HERC2: variants seen among roughly 807,000 people sequenced by gnomAD.
HERC2 encodes the protein HECT and RLD domain containing E3 ubiquitin protein ligase 2, also known as E3 ubiquitin-protein ligase HERC2.
HERC2 carries 102 observed loss-of-function variants against 537.7 expected under a neutral mutation model. The observed-to-expected ratio is 0.19, with a 90% CI of 0.16 to 0.22. HERC2 has a LOEUF of 0.22. HERC2 is among the 10% of genes least tolerant of loss of function. The pLI is 1.00. For missense variants in HERC2, 4,236 were observed against 6,198.2 expected (o/e 0.68, Z 10.63); for synonymous variants, 2,224 against 2,466.2 (o/e 0.90, Z 2.91).
In HERC2 at chr15:28,294,851, G is replaced by A. The variant is rs535205664; in HGVS notation, c.188-1829C>T. 1.1e-3 allele frequency among the ~76,000 whole-genome samples: 170 copies of A among 151,746 alleles called. 3 individuals carry two copies. The highest frequency in any genetic ancestry group is 1.2e-3 in the South Asian group (6 of 4,824). The stretch of plus-strand genomic sequence containing the variant: ...CATCTGTCCAGTGTCAGTGTCCTAC[G>A]TTCAGCCATCCCATATCCCTAGGGC... On this transcript the variant is annotated intron_variant, in intron 3 of 92. Coordinates refer to ENST00000261609, the MANE Select transcript of HERC2 (RefSeq NM_004667.6).
At chr15:28,276,724 G>T (rs1302720671) in intron 5 of HERC2, among the ~76,000 whole-genome samples, 1 of 150,546 alleles carries the variant, frequency 6.6e-6, no homozygotes, top group Non-Finnish European at 1.5e-5. Flanking sequence ...GCGACAAAGC[G>T]AGACTCTGTC....
intron 65 of HERC2, among the ~76,000 whole-genome samples, chr15:28,171,690 C>G (rs1894711049): frequency 6.6e-6 from 1 of 151,950 alleles, no homozygotes; most frequent in Non-Finnish European, 1.5e-5. Flanking sequence ...AAAGAGCAAT[C>G]TGAATATTCC....
At chr15:28,278,049 G>C (rs1418601135) in intron 5 of HERC2, among the ~76,000 whole-genome samples, 1 of 151,410 alleles carries the variant, frequency 6.6e-6, no homozygotes, top group East Asian at 1.9e-4. Context: ...TGAGCCCAGG[G>C]GTTCAAGACC....
In HERC2 at chr15:28,214,815, A is replaced by G; in HGVS notation, c.6211-13T>C. ...GCACAGCTAAGATCTGATAAAAGAA[A>G]ATTTATAACGACAAGCATTAAAAAA... On this transcript the variant is annotated splice_polypyrimidine_tract_variant and intron_variant, in intron 39 of 92. Coordinates refer to ENST00000261609, the MANE Select transcript of HERC2 (RefSeq NM_004667.6). 1 of 1,599,802 alleles carries G rather than the reference A, an allele frequency of 6.3e-7. No homozygotes were observed. Among genetic ancestry groups the G allele is most frequent in the East Asian group, 2.2e-5 (1 of 44,798 alleles).
chr15:28,240,182 G>A (rs1332452656), intron 23 of HERC2, among the ~76,000 whole-genome samples: 6 of 152,218 alleles, frequency 3.9e-5, no homozygotes, highest in Non-Finnish European at 8.8e-5. Context: ...ACTTTGGGAG[G>A]CCAAGGTGGG....
In HERC2 at chr15:28,322,141, C is replaced by G. The variant is rs1208427119; in HGVS notation, c.-98G>C. 1.7e-4 allele frequency: 11 copies of G among 65,880 alleles called. No homozygotes were observed. The highest frequency in any genetic ancestry group is 6.9e-4 in the African/African-American group (10 of 14,480). The allele number at this position is 65,880 out of a possible 1,614,324, so 4.1% of individuals were successfully genotyped here. A position where few individuals can be genotyped will look rare whatever the true frequency, so the allele number is the denominator to read the frequency against. On this transcript the variant is annotated 5_prime_UTR_variant, in exon 1 of 93. Coordinates refer to ENST00000261609, the MANE Select transcript of HERC2 (RefSeq NM_004667.6). ...GACGCAGCCTCCCAAGAGCCGCTGG[C>G]TCAGCCGGCGCCCGCGATCCCGGCG...
intron 23 of HERC2, among the ~76,000 whole-genome samples, chr15:28,240,216 A>C (rs1199112191): frequency 1.3e-5 from 2 of 152,240 alleles, no homozygotes; most frequent in Admixed American, 1.3e-4. Context: ...CAGGAGATGG[A>C]GACCATCCTG....
chr15:28,230,092 C>T (rs934440637), intron 31 of HERC2, among the ~76,000 whole-genome samples: 4 of 152,152 alleles, frequency 2.6e-5, no homozygotes, highest in Admixed American at 2.0e-4. Flanking sequence ...TTAATAGCCA[C>T]AGGGCCCAGC....
In HERC2 at chr15:28,176,625, C is replaced by G; in HGVS notation, c.9515-26G>C. 6.2e-7 allele frequency: 1 copy of G among 1,614,070 alleles called. No homozygotes were observed. The highest frequency in any genetic ancestry group is 8.5e-7 in the Non-Finnish European group (1 of 1,179,958). ...CTAGGTTTAAGAAACACATATACTTCAGGCCAGCGTTTCATATCATTCCTA... is the reference window on the plus strand; with the variant it reads ...CTAGGTTTAAGAAACACATATACTTGAGGCCAGCGTTTCATATCATTCCTA... On this transcript the variant is annotated intron_variant, in intron 62 of 92. Coordinates refer to ENST00000261609, the MANE Select transcript of HERC2 (RefSeq NM_004667.6). This position sits in a 1 kb window ranked among gnomAD's most constrained non-coding sequence, Gnocchi z 5.0.
intron 26 of HERC2, among the ~76,000 whole-genome samples, chr15:28,235,731 AC>A (rs1902366207): frequency 6.6e-6 from 1 of 152,138 alleles, no homozygotes; most frequent in South Asian, 2.1e-4. Context: ...TTGTAACATG[AC>A]CTGCTTAGAA....
At chr15:28,293,156 C>T (rs1192887556) in intron 3 of HERC2, 134 bp from the exon 4 acceptor site, 14 of 744,164 alleles carry the variant, frequency 1.9e-5, no homozygotes, top group Admixed American at 2.7e-5. Flanking sequence ...AAATAAAATA[C>T]ATCAATCATA....
intron 48 of HERC2, among the ~76,000 whole-genome samples, chr15:28,199,406 A>G (rs908821940): frequency 2.6e-5 from 4 of 152,224 alleles, no homozygotes; most frequent in African/African-American, 9.6e-5. Flanking sequence ...GGTCATCATG[A>G]TAATAAGGAA....
intron 37 of HERC2, among the ~76,000 whole-genome samples, chr15:28,219,644 T>C (rs1900308007): frequency 6.6e-6 from 1 of 152,198 alleles, no homozygotes; most frequent in African/African-American, 2.4e-5. Context: ...CGGTGCGCTA[T>C]GGCATAGCCT....
intron 45 of HERC2, among the ~76,000 whole-genome samples, chr15:28,205,285 C>CTGCAGGGAGCACGTGCACCGCCCCAAG (rs11268055): frequency 6.5e-5 from 1 of 15,464 alleles, no homozygotes; most frequent in African/African-American, 1.9e-4. Flanking sequence ...CCCAGCATGA[C>CTGCAGGGAGCACGTGCACCGCCCCAAG]TGCTCTCAAG....
chr15:28,252,393 C>T (rs961090644), intron 20 of HERC2, among the ~76,000 whole-genome samples: 3 of 152,070 alleles, frequency 2.0e-5, no homozygotes, highest in Non-Finnish European at 2.9e-5. Context: ...CCAAAGACAC[C>T]AATAGCCCAT....
At position 28,177,401 on chromosome 15, in the gene HERC2, TA is replaced by T. The variant is rs771589921; in HGVS notation, c.9254+17del. ...ACAGTTTCTTATTAGCAAATGAGAC[TA>T]AAAAAAGTACCCTTACATTCTGCTG... is the stretch of plus-strand genomic sequence containing the variant. On this transcript the variant is annotated intron_variant, in intron 60 of 92. Transcript: ENST00000261609. The surrounding 1 kb of genome is among the most constrained non-coding windows in gnomAD (Gnocchi z 5.0). 13 of 1,608,060 alleles carry T rather than the reference TA, an allele frequency of 8.1e-6. No individual in the cohort carries two copies. Among genetic ancestry groups the T allele is most frequent in the Non-Finnish European group, 1.1e-5 (13 of 1,174,478 alleles).
chr15:28,269,031 C>T (rs927022797), intron 11 of HERC2, among the ~76,000 whole-genome samples: 2 of 152,218 alleles, frequency 1.3e-5, no homozygotes, highest in Non-Finnish European at 2.9e-5. Flanking sequence ...GGGAATCTCA[C>T]GATTAGCAAT....
chr15:28,179,496 T>G (rs1486888031), intron 57 of HERC2, among the ~76,000 whole-genome samples: 3 of 152,248 alleles, frequency 2.0e-5, no homozygotes, highest in Non-Finnish European at 4.4e-5. Flanking sequence ...CAAGCCTCTG[T>G]GCTGCCAGCT....
At chr15:28,242,567 G>A (rs971094868) in intron 23 of HERC2, among the ~76,000 whole-genome samples, 12 of 152,096 alleles carry the variant, frequency 7.9e-5, no homozygotes, top group Admixed American at 7.9e-4. Flanking sequence ...AAGTTGCAGG[G>A]CATTACAAGA....
Sources: allele counts gnomAD v4.1 joint callset (sites outside exome capture counted in the v4.1 genomes callset), GRCh38; gene constraint gnomAD v4.1.1; non-coding constraint Gnocchi (gnomAD v3.1); transcripts MANE v1.5; gene names NCBI Gene and HGNC (gene_info 2026-07-23, HGNC 2026-07-21).